NOL4: variants seen among roughly 807,000 people sequenced by gnomAD.
The protein encoded by NOL4 is cancer/testis antigen 125.
In NOL4, 17 loss-of-function variants were observed where a neutral mutation model predicts 75.9. The ratio of observed to expected loss-of-function variants is 0.22; its 90% CI spans 0.15 to 0.34. The LOEUF (loss-of-function observed/expected upper bound fraction) is 0.34, where lower values mean the gene tolerates loss of function less well. Among genes scored for constraint, NOL4 ranks in the 10% least tolerant of loss-of-function variants. NOL4 has a pLI of 1.00. For missense variants in NOL4, 614 were observed against 793.5 expected, an observed-to-expected ratio of 0.77 and a Z score of 2.72; for synonymous variants, 292 against 289.9, an observed-to-expected ratio of 1.01 and a Z score of -0.07.
At chr18:34,134,056 C>T (rs867535362) in intron 1 of NOL4, among the ~76,000 whole-genome samples, 1 of 152,056 alleles carries the variant, frequency 6.6e-6, no homozygotes. Context: ...TTTCTTCCCT[C>T]AGCTTCTTTA....
At chr18:33,874,959 G>A (rs2063863796) in intron 10 of NOL4, among the ~76,000 whole-genome samples, 2 of 151,952 alleles carry the variant, frequency 1.3e-5, no homozygotes, top group African/African-American at 4.8e-5. Flanking sequence ...AATGTTAAGA[G>A]TTGGGAAAAC....
intron 1 of NOL4, among the ~76,000 whole-genome samples, chr18:34,145,685 G>A (rs71363431): frequency 6.6e-5 from 10 of 151,234 alleles, no homozygotes; most frequent in Admixed American, 3.3e-4. Flanking sequence ...ACATTATCTC[G>A]GGGAAAAGAA....
chr18:34,200,439 C>A (rs2035652303), intron 1 of NOL4, among the ~76,000 whole-genome samples: 2 of 151,712 alleles, frequency 1.3e-5, no homozygotes, highest in African/African-American at 4.8e-5. Flanking sequence ...GACTCTAAAT[C>A]TTTCCTAGTT....
intron 5 of NOL4, among the ~76,000 whole-genome samples, chr18:34,058,302 T>C (rs995166046): frequency 5.3e-5 from 8 of 152,062 alleles, no homozygotes; most frequent in Admixed American, 1.3e-4. Flanking sequence ...CCCGGCTAAT[T>C]TTTTGTTATT....
chr18:34,060,388 T>A (rs2145120176), intron 5 of NOL4, among the ~76,000 whole-genome samples: 1 of 152,342 alleles, frequency 6.6e-6, no homozygotes, highest in South Asian at 2.1e-4. Context: ...GGAACTTAAA[T>A]CATTTCTGAA....
At chr18:34,043,976 T>A (rs1428940674) in intron 5 of NOL4, among the ~76,000 whole-genome samples, 1 of 152,102 alleles carries the variant, frequency 6.6e-6, no homozygotes, top group Non-Finnish European at 1.5e-5. Context: ...AAGAGTTCCA[T>A]CCATATCTAT....
chr18:34,005,795 A>G (rs2073998995), intron 6 of NOL4, among the ~76,000 whole-genome samples: 1 of 152,182 alleles, frequency 6.6e-6, no homozygotes, highest in East Asian at 1.9e-4. Flanking sequence ...AACCCTCTGG[A>G]AAGTGCCTCT....
intron 1 of NOL4, among the ~76,000 whole-genome samples, chr18:34,194,449 A>AAGGAAGGAAGGT (rs1568438442): frequency 6.8e-6 from 1 of 146,500 alleles, no homozygotes; most frequent in African/African-American, 2.5e-5. Context: ...GGAAGGAAGG[A>AAGGAAGGAAGGT]AGGAAGGAAG....
chr18:34,014,891 C>T (rs1157813435), intron 6 of NOL4, among the ~76,000 whole-genome samples: 1 of 151,940 alleles, frequency 6.6e-6, no homozygotes, highest in Non-Finnish European at 1.5e-5. Context: ...ATTCACTGTT[C>T]AATTTTTCAA....
intron 2 of NOL4, among the ~76,000 whole-genome samples, chr18:34,115,489 CT>C (rs1172925520): frequency 4.5e-5 from 6 of 134,092 alleles, no homozygotes; most frequent in Non-Finnish European, 9.6e-5. Context: ...GCCCACCCCC[CT>C]CCCCCTTAGC....
At chr18:34,054,809 T>C (rs1294992232) in intron 5 of NOL4, among the ~76,000 whole-genome samples, 3 of 151,838 alleles carry the variant, frequency 2.0e-5, no homozygotes, top group African/African-American at 7.2e-5. Context: ...CTGCTTTTCT[T>C]TGTCTTTTGT....
At chr18:33,862,821 T>C (rs1352003292) in intron 10 of NOL4, among the ~76,000 whole-genome samples, 1 of 152,206 alleles carries the variant, frequency 6.6e-6, no homozygotes, top group Non-Finnish European at 1.5e-5. Flanking sequence ...ACACTGTTGG[T>C]GGGACTGTAA....
intron 1 of NOL4, among the ~76,000 whole-genome samples, chr18:34,130,987 A>G (rs2080617744): frequency 6.6e-6 from 1 of 152,016 alleles, no homozygotes; most frequent in Non-Finnish European, 1.5e-5. Flanking sequence ...GGAATGAGAT[A>G]ATAAAGTTAA....
intron 2 of NOL4, among the ~76,000 whole-genome samples, chr18:34,128,109 C>A (rs149842487): frequency 1.0e-3 from 153 of 151,980 alleles, no homozygotes; most frequent in African/African-American, 3.6e-3. Context: ...GGATCAGATT[C>A]TCTACATTTC....
intron 5 of NOL4, among the ~76,000 whole-genome samples, chr18:34,052,410 G>T (rs528660800): frequency 2.6e-5 from 4 of 152,000 alleles, no homozygotes; most frequent in South Asian, 2.1e-4. Flanking sequence ...ATAAATTCCA[G>T]ATGGCTTAAA....
chr18:33,852,914 T>A lies in NOL4; in HGVS notation c.1845A>T (p.Gly615=). The stretch of plus-strand genomic sequence containing the variant: ...ATAAAAATGCAGCTGATTCTCGATA[T>A]CCTGCAACAAGCTGTCTCACGGCAT... ...EINAVRQLVA[G]YRESAAFLLR... Residue 615 remains glycine (G), a synonymous_variant, in exon 11 of 11, where the codon GGA becomes GGT. Coordinates refer to ENST00000261592, the MANE Select transcript of NOL4 (RefSeq NM_003787.5). 2 of 1,613,216 alleles carry A rather than the reference T, an allele frequency of 1.2e-6. No homozygotes were observed.
intron 1 of NOL4, among the ~76,000 whole-genome samples, chr18:34,138,569 A>T (rs1223551651): frequency 6.6e-6 from 1 of 152,152 alleles, no homozygotes; most frequent in Non-Finnish European, 1.5e-5. Context: ...CACACTAAAA[A>T]TATTGAATTA....
At chr18:34,147,719 T>C (rs2081465864) in intron 1 of NOL4, among the ~76,000 whole-genome samples, 1 of 152,168 alleles carries the variant, frequency 6.6e-6, no homozygotes, top group Admixed American at 6.6e-5. Flanking sequence ...ATCAGGATGA[T>C]GCTGGCCTCA....
At chr18:34,116,628 A>G (rs1016523530) in intron 2 of NOL4, among the ~76,000 whole-genome samples, 1 of 152,196 alleles carries the variant, frequency 6.6e-6, no homozygotes, top group African/African-American at 2.4e-5. Flanking sequence ...CTTCAGAAAT[A>G]AATGACCTTT....
Sources: gnomAD v4.1 joint callset for allele counts (sites outside exome capture counted in the v4.1 genomes callset) on GRCh38, gnomAD v4.1.1 for gene constraint, MANE v1.5 for transcripts, NCBI Gene and HGNC (gene_info 2026-07-23, HGNC 2026-07-21) for gene names.